Variants in HRH1 observed in about 807,000 individuals in gnomAD.
The protein encoded by HRH1 is histamine receptor H1, also known as histamine H1 receptor.
In HRH1, 6 loss-of-function variants were observed where a neutral mutation model predicts 10.3. The ratio of observed to expected loss-of-function variants is 0.58; its 90% CI spans 0.32 to 1.15. The LOEUF is 1.15. Ranked by LOEUF, HRH1 falls within the 50% of genes most tolerant of loss-of-function variation. The pLI is 0.05. For missense variants in HRH1, 514 were observed against 615.3 expected, an observed-to-expected ratio of 0.84 and a Z score of 1.74; for synonymous variants, 242 against 236.7, an observed-to-expected ratio of 1.02 and a Z score of -0.21.
At chr3:11,223,582 G>A (rs1253644203) in intron 1 of HRH1, among the ~76,000 whole-genome samples, 1 of 152,190 alleles carries the variant, frequency 6.6e-6, no homozygotes, top group African/African-American at 2.4e-5. Context: ...CTGTTCTCTA[G>A]CTGCTCTGAG....
At chr3:11,219,697 G>A (rs1167651291) in intron 1 of HRH1, among the ~76,000 whole-genome samples, 2 of 120,178 alleles carry the variant, frequency 1.7e-5, no homozygotes, top group Admixed American at 1.0e-4. Context: ...CGGGCAATAA[G>A]AGTTGAGACT....
rs370606152 is a variant in HRH1, at chr3:11,214,598, G to GTCATTCATTCAT, written c.-35-44389_-35-44378dup. On this transcript the variant is annotated intron_variant, in intron 1 of 1. Coordinates refer to ENST00000431010, the MANE Select transcript of HRH1 (RefSeq NM_001098212.2). ...TTTGGAAAGCAGGAGACCATGCATT[G>GTCATTCATTCAT]TCATTCATTCATTCATTCATTCATT... 1.4e-4 allele frequency among the ~76,000 whole-genome samples: 22 copies of GTCATTCATTCAT among 152,290 alleles called. No homozygotes were observed. In the South Asian group the frequency reaches 4.4e-3, roughly 30 times the overall value.
In HRH1 at chr3:11,215,111, G is replaced by A. The variant is rs941215263; in HGVS notation, c.-35-43892G>A. Among the ~76,000 whole-genome samples the A allele has an allele frequency of 4.6e-5, 7 of 152,342 alleles. No individual in the cohort carries two copies. The South Asian group carries it at 1.5e-3, about 32-fold the overall frequency. ...AAAGGTGAAAAGAATTGGCACTCTA[G>A]GTGATAACTCAGAAAGATAGTTCCC... On this transcript the variant is annotated intron_variant, in intron 1 of 1. Transcript: ENST00000431010.
At chr3:11,206,808 G>A (rs1000704394) in intron 1 of HRH1, among the ~76,000 whole-genome samples, 2 of 152,168 alleles carry the variant, frequency 1.3e-5, no homozygotes, top group African/African-American at 4.8e-5. Context: ...GTGGAGCAAA[G>A]GAGATGCAGA....
At chr3:11,232,301 A>T (rs1184834784) in intron 1 of HRH1, among the ~76,000 whole-genome samples, 1 of 152,140 alleles carries the variant, frequency 6.6e-6, no homozygotes, top group South Asian at 2.1e-4. Context: ...TAATTTTTTT[A>T]AAAGACATAT....
At chr3:11,231,846 GT>G (rs912999378) in intron 1 of HRH1, among the ~76,000 whole-genome samples, 2 of 151,948 alleles carry the variant, frequency 1.3e-5, no homozygotes, top group Non-Finnish European at 2.9e-5. Context: ...CCAATTCATT[GT>G]TTTTTCTTTT....
At chr3:11,225,594 A>C (rs1488167159) in intron 1 of HRH1, among the ~76,000 whole-genome samples, 1 of 152,264 alleles carries the variant, frequency 6.6e-6, no homozygotes, top group East Asian at 1.9e-4. Context: ...GAGGACACAG[A>C]GATGACTCAG....
intron 1 of HRH1, among the ~76,000 whole-genome samples, chr3:11,163,496 G>T (rs372671852): frequency 1.3e-5 from 2 of 151,892 alleles, no homozygotes; most frequent in Non-Finnish European, 1.5e-5. Context: ...GTTTGAACCC[G>T]AGCTCTACCA....
chr3:11,146,236 ATT>A (rs1411878960), intron 1 of HRH1, among the ~76,000 whole-genome samples: 2 of 152,046 alleles, frequency 1.3e-5, no homozygotes, highest in African/African-American at 4.8e-5. Flanking sequence ...AGTCTTTCAT[ATT>A]TCATCCATTC....
intron 1 of HRH1, among the ~76,000 whole-genome samples, chr3:11,138,894 C>T (rs1483934672): frequency 6.6e-6 from 1 of 151,684 alleles, no homozygotes; most frequent in African/African-American, 2.4e-5. Flanking sequence ...AAGCTGGTGT[C>T]AAACTCCTGG....
intron 1 of HRH1, among the ~76,000 whole-genome samples, chr3:11,204,204 A>T (rs1163828816): frequency 1.3e-5 from 2 of 152,202 alleles, no homozygotes; most frequent in Non-Finnish European, 2.9e-5. Flanking sequence ...CTACTATGTG[A>T]TAAGCCCTGA....
chr3:11,258,280 A>G (rs931914788), intron 1 of HRH1, among the ~76,000 whole-genome samples: 8 of 151,396 alleles, frequency 5.3e-5, no homozygotes, highest in African/African-American at 1.9e-4. Flanking sequence ...GCCAAGCAAA[A>G]CAAAGCCCAT....
chr3:11,230,381 G>A (rs1320797594), intron 1 of HRH1, among the ~76,000 whole-genome samples: 1 of 152,224 alleles, frequency 6.6e-6, no homozygotes, highest in Non-Finnish European at 1.5e-5. Context: ...ACATTCACCA[G>A]GGGAGCTATT....
chr3:11,227,317 C>G (rs1328547209), intron 1 of HRH1, among the ~76,000 whole-genome samples: 1 of 150,682 alleles, frequency 6.6e-6, no homozygotes, highest in Non-Finnish European at 1.5e-5. Flanking sequence ...GGCGGAGTCT[C>G]GCTCTGTCCC....
chr3:11,174,502 C>T (rs1000925934), intron 1 of HRH1, among the ~76,000 whole-genome samples: 6 of 152,090 alleles, frequency 3.9e-5, no homozygotes, highest in Non-Finnish European at 7.4e-5. Context: ...GAGATGATGC[C>T]TATTGGGACT....
intron 1 of HRH1, among the ~76,000 whole-genome samples, chr3:11,229,024 G>A (rs956617090): frequency 6.6e-6 from 1 of 152,088 alleles, no homozygotes; most frequent in Non-Finnish European, 1.5e-5. Flanking sequence ...ATACAGGAAA[G>A]CTTCAAAAAA....
chr3:11,153,185 A>G (rs1188780643), upstream of HRH1, among the ~76,000 whole-genome samples: 2 of 152,074 alleles, frequency 1.3e-5, no homozygotes, highest in South Asian at 2.1e-4. Flanking sequence ...AAGTTACTCA[A>G]TCTCTCTGTG....
intron 1 of HRH1, among the ~76,000 whole-genome samples, chr3:11,188,301 A>T (rs749332739): frequency 1.1e-4 from 17 of 152,192 alleles, no homozygotes; most frequent in African/African-American, 4.8e-5. Flanking sequence ...TTCCACTTGT[A>T]GGAAGTTATA....
At chr3:11,151,680 T>C (rs1017929792), upstream of HRH1, among the ~76,000 whole-genome samples, 10 of 152,238 alleles carry the variant, frequency 6.6e-5, no homozygotes, top group Admixed American at 4.6e-4. Context: ...TTATTTTTTG[T>C]AGAGACAAGG....
Sources: allele counts gnomAD v4.1 joint callset (sites outside exome capture counted in the v4.1 genomes callset), GRCh38; gene constraint gnomAD v4.1.1; transcripts MANE v1.5; gene names NCBI Gene and HGNC (gene_info 2026-07-23, HGNC 2026-07-21).